The following ALDH1A3 variants were observed in gnomAD, a reference collection of about 807,000 sequenced individuals.
The protein encoded by ALDH1A3 is retinaldehyde dehydrogenase 3.
ALDH1A3 carries 28 observed loss-of-function variants against 57.5 expected under a neutral mutation model. The observed-to-expected ratio is 0.49, with a 90% CI of 0.36 to 0.67. The LOEUF (loss-of-function observed/expected upper bound fraction) is 0.67, where lower values mean the gene tolerates loss of function less well. Among genes scored for constraint, ALDH1A3 ranks in the 30% least tolerant of loss-of-function variants. The pLI, the probability that ALDH1A3 is intolerant of heterozygous loss-of-function variation, is 0.00. For synonymous variants in ALDH1A3, 281 were observed against 264.8 expected (o/e 1.06, Z -0.59); for missense variants, 507 against 669.4 (o/e 0.76, Z 2.68).
chr15:100,910,193 C>G (rs1596135580), intron 12 of ALDH1A3, among the ~76,000 whole-genome samples: 1 of 152,398 alleles, frequency 6.6e-6, no homozygotes. Context: ...GGCGTCTGCA[C>G]TTGTGAGTGA....
intron 1 of ALDH1A3, among the ~76,000 whole-genome samples, chr15:100,884,618 A>G (rs1251433558): frequency 6.8e-6 from 1 of 148,136 alleles, no homozygotes; most frequent in African/African-American, 2.5e-5. Flanking sequence ...TCTAGGGTAC[A>G]TGTGCAGGAT....
At chr15:100,896,867 A>G (rs905528201) in intron 7 of ALDH1A3, among the ~76,000 whole-genome samples, 1 of 152,178 alleles carries the variant, frequency 6.6e-6, no homozygotes. Flanking sequence ...ATTACCCACA[A>G]TATTTTCCCA....
At chr15:100,902,129 C>G (rs1203211054) in intron 9 of ALDH1A3, among the ~76,000 whole-genome samples, 2 of 152,220 alleles carry the variant, frequency 1.3e-5, no homozygotes, top group East Asian at 1.9e-4. Context: ...GATCCCCATA[C>G]AGAAGAAACT....
chr15:100,901,901 C>G (rs2041772914), intron 9 of ALDH1A3, among the ~76,000 whole-genome samples: 1 of 152,194 alleles, frequency 6.6e-6, no homozygotes, highest in South Asian at 2.1e-4. Flanking sequence ...CACTCCGACG[C>G]CACGTGACCC....
At position 100,880,010 on chromosome 15, in the gene ALDH1A3, A is replaced by T. The variant is rs922725566; in HGVS notation, c.99+4A>T. On this transcript the variant is annotated splice_donor_region_variant and intron_variant, in intron 1 of 12. Coordinates refer to ENST00000329841, the MANE Select transcript of ALDH1A3 (RefSeq NM_000693.4). ...CCTGGAGGTCAAGTTCACCAAGGTG[A>T]GGCGGGCGCCCCTCCCACCCGACGG... 175 of 1,458,164 alleles carry T rather than the reference A, an allele frequency of 1.2e-4. No individual in the cohort carries two copies. Among genetic ancestry groups the T allele is most frequent in the Non-Finnish European group, 1.6e-4 (174 of 1,101,100 alleles). The allele number at this position is 1,458,164 out of a possible 1,614,324, so 90.3% of individuals were successfully genotyped here. A position where few individuals can be genotyped will look rare whatever the true frequency, so the allele number is the denominator to read the frequency against.
In ALDH1A3 at chr15:100,893,185, G is replaced by A. The variant is rs531423081; in HGVS notation, c.537+179G>A. The A allele has an allele frequency of 5.4e-5, 29 of 537,244 alleles. No homozygotes were observed. The highest frequency in any genetic ancestry group is 1.9e-5 in the Non-Finnish European group (6 of 310,650). The allele number at this position is 537,244 out of a possible 1,614,324, so 33.3% of individuals were successfully genotyped here. A position where few individuals can be genotyped will look rare whatever the true frequency, so the allele number is the denominator to read the frequency against. On this transcript the variant is annotated intron_variant, in intron 5 of 12. Coordinates refer to ENST00000329841, the MANE Select transcript of ALDH1A3 (RefSeq NM_000693.4). The surrounding 1 kb of genome is among the most constrained non-coding windows in gnomAD (Gnocchi z 4.8). ...TTGAGATGGATTAGACCCCATTTCT[G>A]CTCTCCTAAGACCGGCTTTAGGCAT...
rs1024462355 is a variant in ALDH1A3 at position 100,900,881 on chromosome 15, G to A, written c.1068+122G>A. 3 of 1,123,500 alleles carry A rather than the reference G, an allele frequency of 2.7e-6. No individual in the cohort carries two copies. The African/African-American group carries it at 4.7e-5, about 18-fold the overall frequency. The allele number at this position is 1,123,500 out of a possible 1,614,324, so 69.6% of individuals were successfully genotyped here. ...GAATGCTGACCTGTCCTGCCCAGGA[G>A]GCTTTCTTTTCTTTAGAAACTGATC... On this transcript the variant is annotated intron_variant, in intron 9 of 12. Coordinates refer to ENST00000329841, the MANE Select transcript of ALDH1A3 (RefSeq NM_000693.4).
Position 100,900,549 on chromosome 15 carries a change from C to T in ALDH1A3, c.884-26C>T, listed in dbSNP as rs532329128. The stretch of plus-strand genomic sequence containing the variant: ...CTTAATCGCTTCCTCTCGCTCTGCC[C>T]GCCTCCCTCGCCCCTCCCCCTCCAG... On this transcript the variant is annotated intron_variant, in intron 8 of 12. Transcript: ENST00000329841. 91 of 1,555,412 alleles carry T rather than the reference C, an allele frequency of 5.9e-5. 1 individual carries two copies. The highest frequency in any genetic ancestry group is 3.3e-4 in the Middle Eastern group (2 of 6,008).
At chr15:100,905,722 G>C in intron 10 of ALDH1A3, 35 bp downstream of exon 10, 1 of 1,501,788 alleles carries the variant, frequency 6.7e-7, no homozygotes. Flanking sequence ...ACGACTTGCG[G>C]GGCCTTTCAA....
chr15:100,900,688 C>T lies in ALDH1A3; in HGVS notation c.997C>T (p.Arg333Trp). ...EEQVYSEFVR[R>W]SVEYAKKRPV... Reference sequence around the variant, plus strand: ...GCAGGTCTACTCTGAGTTTGTCAGGCGGAGCGTGGAGTATGCCAAGAAACG... The same window carrying T: ...GCAGGTCTACTCTGAGTTTGTCAGGTGGAGCGTGGAGTATGCCAAGAAACG... The change falls in exon 9 of 13, where the codon CGG becomes TGG. Residue 333 changes from arginine to tryptophan, a missense_variant. This residue lies in a region of ALDH1A3 where 432 missense variants were observed against 608.4 expected (regional missense o/e 0.71). Transcript: ENST00000329841. The T allele has an allele frequency of 2.5e-6, 4 of 1,614,080 alleles. No homozygotes were observed. Among genetic ancestry groups the T allele is most frequent in the African/African-American group, 2.7e-5 (2 of 75,012 alleles).
rs148231799 is a variant in ALDH1A3, at chr15:100,911,523, C to T, written c.1466+3041C>T. On this transcript the variant is annotated intron_variant, in intron 12 of 12. Coordinates refer to ENST00000329841, the MANE Select transcript of ALDH1A3 (RefSeq NM_000693.4). ...TCATTTGCTCATTCATTCTTTTGTTCACTTGGCAAATACTTCTTGAGCATC... is the reference window on the plus strand; with the variant it reads ...TCATTTGCTCATTCATTCTTTTGTTTACTTGGCAAATACTTCTTGAGCATC... 5.8e-4 allele frequency among the ~76,000 whole-genome samples: 89 copies of T among 152,340 alleles called. 1 individual carries two copies. Among genetic ancestry groups the T allele is most frequent in the African/African-American group, 2.1e-3 (88 of 41,572 alleles).
At chr15:100,901,920 A>C (rs771337006) in intron 9 of ALDH1A3, among the ~76,000 whole-genome samples, 2 of 152,180 alleles carry the variant, frequency 1.3e-5, no homozygotes, top group Non-Finnish European at 2.9e-5. Flanking sequence ...CCTGGCAGAA[A>C]GCACTTCTTG....
rs770812817 is a variant in ALDH1A3, at chr15:100,914,663, GT to G, written c.1467-37del. 9 of 1,586,532 alleles carry G rather than the reference GT, an allele frequency of 5.7e-6. No individual in the cohort carries two copies. The South Asian group carries it at 8.9e-5, about 16-fold the overall frequency. ...AGTTTCTACACAATGGCTAAGGGAT[GT>G]ACCCATTTTGAATTTTCCTCTTTTC... On this transcript the variant is annotated intron_variant, in intron 12 of 12. Transcript: ENST00000329841.
In ALDH1A3 at chr15:100,887,710, G is replaced by A. The variant is rs1330418184; in HGVS notation, c.343G>A (p.Ala115Thr). 2 of 1,598,278 alleles carry A rather than the reference G, an allele frequency of 1.3e-6. No individual in the cohort carries two copies. The highest frequency in any genetic ancestry group is 1.7e-6 in the Non-Finnish European group (2 of 1,171,150). The change falls in exon 3 of 13, where the codon GCC becomes ACC. Residue 115 changes from alanine (A) to threonine (T), a missense_variant and splice_region_variant. Ala to Thr is a moderately conservative substitution (Grantham distance 58). Coordinates refer to ENST00000329841, the MANE Select transcript of ALDH1A3 (RefSeq NM_000693.4). This position sits in a 1 kb window ranked among gnomAD's most constrained non-coding sequence, Gnocchi z 4.6. ...GGTGGAGAGGGACCGCGCCACCTTG[G>A]CCGTGAGTACATGCACTTGGGGGCC... Reference protein sequence around the residue: ...DLVERDRATLAALETMDTGKP... With the variant: ...DLVERDRATLTALETMDTGKP...
intron 10 of ALDH1A3, among the ~76,000 whole-genome samples, chr15:100,905,926 T>C (rs1361965330): frequency 6.6e-6 from 1 of 152,156 alleles, no homozygotes; most frequent in African/African-American, 2.4e-5. Flanking sequence ...CCTTGTTTGT[T>C]CTAGCTAGTT....
intron 9 of ALDH1A3, among the ~76,000 whole-genome samples, chr15:100,903,498 G>A (rs2041791873): frequency 6.6e-6 from 1 of 152,206 alleles, no homozygotes; most frequent in Non-Finnish European, 1.5e-5. Flanking sequence ...AGGCCTCAGA[G>A]TATGTGATTT....
In ALDH1A3 at chr15:100,880,135, G is replaced by A. The variant is rs1449040277; in HGVS notation, c.99+129G>A. The A allele has an allele frequency of 9.6e-5, 54 of 564,012 alleles. No individual in the cohort carries two copies. Among genetic ancestry groups the A allele is most frequent in the Non-Finnish European group, 1.1e-4 (42 of 379,820 alleles). The allele number at this position is 564,012 out of a possible 1,614,324, so 34.9% of individuals were successfully genotyped here. ...GCGCCGCCGAGACCCGAGCCTCCCT[G>A]CCCGGGCGCGGCTCTCCAGAAACCG... is the stretch of plus-strand genomic sequence containing the variant. On this transcript the variant is annotated intron_variant, in intron 1 of 12. Transcript: ENST00000329841.
At chr15:100,907,343 T>C (rs2041832487) in intron 11 of ALDH1A3, 65 bp downstream of exon 11, 1 of 1,527,846 alleles carries the variant, frequency 6.5e-7, no homozygotes. Context: ...ATTATTCTTC[T>C]ATTAACTGAG....
chr15:100,884,595 T>C (rs913078628), intron 1 of ALDH1A3, among the ~76,000 whole-genome samples: 2 of 149,712 alleles, frequency 1.3e-5, no homozygotes, highest in Admixed American at 6.7e-5. Context: ...TTTTATCAAC[T>C]TTTATTTTAA....
Sources: gnomAD v4.1 joint callset for allele counts (sites outside exome capture counted in the v4.1 genomes callset) on GRCh38, gnomAD v4.1.1 for gene constraint, gnomAD v4.1.1 regional missense constraint, Gnocchi (gnomAD v3.1) non-coding constraint, MANE v1.5 for transcripts, NCBI Gene and HGNC (gene_info 2026-07-23, HGNC 2026-07-21) for gene names.